Variants in SPATA24 observed in about 807,000 individuals in gnomAD.
The protein encoded by SPATA24 is spermatogenesis-associated protein 24.
In SPATA24, 21 loss-of-function variants were observed where a neutral mutation model predicts 28.9. The observed-to-expected ratio is 0.73, with a 90% CI of 0.52 to 1.05. The LOEUF (loss-of-function observed/expected upper bound fraction) is 1.05, where lower values mean the gene tolerates loss of function less well. SPATA24 is among the 50% of genes least tolerant of loss of function. The pLI is 0.00. For synonymous variants in SPATA24, 76 were observed against 89.9 expected, an observed-to-expected ratio of 0.85 and a Z score of 0.88; for missense variants, 215 against 242.9, an observed-to-expected ratio of 0.88 and a Z score of 0.76.
downstream of SPATA24, chr5:139,394,137 C>T (rs1021226398): frequency 1.3e-6 from 2 of 1,546,836 alleles, no homozygotes; most frequent in African/African-American, 2.7e-5. Context: ...GGAGGCTGGG[C>T]CACGGCCTCG....
At chr5:139,394,391 G>A (rs1269696195), downstream of SPATA24, 11 of 1,393,408 alleles carry the variant, frequency 7.9e-6, no homozygotes, top group East Asian at 2.9e-5. Flanking sequence ...GTGCGCAGGA[G>A]CAGCCGGGGG....
At chr5:139,396,129 A>G (rs1342673895), downstream of SPATA24, 1 of 982,030 alleles carries the variant, frequency 1.0e-6, no homozygotes, top group Non-Finnish European at 1.2e-6. Flanking sequence ...ACTTGGCCTC[A>G]AACCGACCCA....
chr5:139,397,367 A>G (rs2152078002), intron 4 of SPATA24, among the ~76,000 whole-genome samples: 1 of 152,290 alleles, frequency 6.6e-6, no homozygotes, highest in East Asian at 1.9e-4. Flanking sequence ...TCTGGACCAG[A>G]GGACCCACAT....
downstream of SPATA24, chr5:139,394,827 G>A (rs1446143350): frequency 6.5e-7 from 1 of 1,530,990 alleles, no homozygotes; most frequent in Non-Finnish European, 8.8e-7. Context: ...GGAAACCCGA[G>A]CCGGGCCCGT....
At chr5:139,392,888 CTG>C (rs1217533922), downstream of SPATA24, 1 of 1,544,654 alleles carries the variant, frequency 6.5e-7, no homozygotes, top group South Asian at 1.2e-5. The surrounding 1 kb of genome is among the most constrained non-coding windows in gnomAD (Gnocchi z 5.8). Context: ...AGGCGGATCT[CTG>C]TGCGCTTGAA....
At chr5:139,394,831 G>A (rs1427936253), downstream of SPATA24, 8 of 1,531,212 alleles carry the variant, frequency 5.2e-6, no homozygotes, top group Non-Finnish European at 6.1e-6. Flanking sequence ...ACCCGAGCCG[G>A]GCCCGTGCCG....
downstream of SPATA24, chr5:139,393,176 C>T: frequency 6.5e-7 from 1 of 1,549,094 alleles, no homozygotes; most frequent in South Asian, 1.2e-5. Flanking sequence ...AAGCCTGGCG[C>T]GTACGTGGTC....
At chr5:139,401,386 CCTGAGA>C (rs1758816955) in intron 4 of SPATA24, 1 of 587,304 alleles carries the variant, frequency 1.7e-6, no homozygotes, top group African/African-American at 1.9e-5. Context: ...GAGTCCTGAC[CCTGAGA>C]CTAAGGATCA....
At chr5:139,393,253 C>A (rs1433910808), downstream of SPATA24, 2 of 1,549,370 alleles carry the variant, frequency 1.3e-6, no homozygotes, top group Admixed American at 3.9e-5. Context: ...GGCCGCCTCT[C>A]CAGGACCCAA....
At chr5:139,394,715 A>G, downstream of SPATA24, 1 of 1,532,742 alleles carries the variant, frequency 6.5e-7, no homozygotes, top group East Asian at 2.5e-5. Flanking sequence ...GCGCCGGAGC[A>G]GCCGAACAGG....
At chr5:139,395,127 C>T, downstream of SPATA24, 1 of 1,374,384 alleles carries the variant, frequency 7.3e-7, no homozygotes, top group South Asian at 1.7e-5. Flanking sequence ...TTCGCCTCCG[C>T]TGGTGGCGCC....
At chr5:139,394,824 C>A, downstream of SPATA24, 2 of 1,529,966 alleles carry the variant, frequency 1.3e-6, no homozygotes, top group Non-Finnish European at 1.8e-6. Context: ...GCGGGAAACC[C>A]GAGCCGGGCC....
At chr5:139,395,107 C>T, downstream of SPATA24, 2 of 1,387,320 alleles carry the variant, frequency 1.4e-6, no homozygotes, top group South Asian at 3.3e-5. Context: ...CGTGCACTAT[C>T]TCCCTCGCAT....
Position 139,401,743 on chromosome 5 carries a change from C to T in SPATA24, c.385+12G>A. The T allele has an allele frequency of 1.9e-6, 3 of 1,551,538 alleles. No individual in the cohort carries two copies. Among genetic ancestry groups the T allele is most frequent in the Non-Finnish European group, 1.7e-6 (2 of 1,146,922 alleles). On this transcript the variant is annotated intron_variant, in intron 4 of 5. Coordinates refer to ENST00000450845, the MANE Select transcript of SPATA24 (RefSeq NM_194296.2). ...ATATAACCGTGGTGGAGAGCACGGG[C>T]CTCCCGCCTACCATTGCACTTGGTG...
chr5:139,395,329 T>C, downstream of SPATA24: 1 of 396,512 alleles, frequency 2.5e-6, no homozygotes, highest in Non-Finnish European at 4.4e-6. Context: ...CTCCAAGCTT[T>C]GGCTGACAGG....
At chr5:139,394,332 G>C (rs1186011867), downstream of SPATA24, 1 of 1,451,472 alleles carries the variant, frequency 6.9e-7, no homozygotes, top group Non-Finnish European at 9.0e-7. Context: ...CCGTCTGCAC[G>C]AAGCCCGCGG....
chr5:139,392,852 G>A, downstream of SPATA24: 1 of 1,540,702 alleles, frequency 6.5e-7, no homozygotes. This position sits in a 1 kb window ranked among gnomAD's most constrained non-coding sequence, Gnocchi z 5.8. Flanking sequence ...ACCTCGGGCC[G>A]GCGACCCAAG....
At chr5:139,394,330 A>C, downstream of SPATA24, 1 of 1,455,368 alleles carries the variant, frequency 6.9e-7, no homozygotes, top group Non-Finnish European at 9.0e-7. Flanking sequence ...CGCCGTCTGC[A>C]CGAAGCCCGC....
downstream of SPATA24, chr5:139,394,661 T>C (rs1017571671): frequency 9.1e-6 from 14 of 1,534,840 alleles, no homozygotes; most frequent in Non-Finnish European, 1.1e-5. Context: ...AAGGGGCTGA[T>C]GAAGGCCGGC....
Sources: allele counts gnomAD v4.1 joint callset (sites outside exome capture counted in the v4.1 genomes callset), GRCh38; gene constraint gnomAD v4.1.1; non-coding constraint Gnocchi (gnomAD v3.1); transcripts MANE v1.5; gene names NCBI Gene and HGNC (gene_info 2026-07-23, HGNC 2026-07-21).